Variants in SPON1 observed in about 807,000 individuals in gnomAD.
SPON1 encodes spondin 1, also known as spondin-1.
In SPON1, 52 loss-of-function variants were observed where a neutral mutation model predicts 111.7. That is an observed-to-expected ratio of 0.47 (90% CI 0.37 to 0.59). The LOEUF (loss-of-function observed/expected upper bound fraction) is 0.59, where lower values mean the gene tolerates loss of function less well. Among genes scored for constraint, SPON1 ranks in the 20% least tolerant of loss-of-function variants. The probability of loss-of-function intolerance (pLI) is 0.00; values close to 1 mark genes in which losing one functional copy is unlikely to be tolerated. For missense variants in SPON1, 957 were observed against 1,068.5 expected, an observed-to-expected ratio of 0.90 and a Z score of 1.46; for synonymous variants, 410 against 395.8, an observed-to-expected ratio of 1.04 and a Z score of -0.43.
intron 3 of SPON1, among the ~76,000 whole-genome samples, chr11:14,061,453 TAATC>T (rs1848790562): frequency 6.6e-6 from 1 of 152,240 alleles, no homozygotes; most frequent in Non-Finnish European, 1.5e-5. Flanking sequence ...ATTTTCAGCT[TAATC>T]AAATATTTCA....
chr11:14,244,811 G>A lies in SPON1; in HGVS notation c.890+1415G>A, dbSNP rs556893407. ...TCCTTCTTCATCCCTCTGTGACTTCGCTTAGTCTCAAGATCAAGTCCACAC... is the reference window on the plus strand; with the variant it reads ...TCCTTCTTCATCCCTCTGTGACTTCACTTAGTCTCAAGATCAAGTCCACAC... On this transcript the variant is annotated intron_variant, in intron 7 of 15. Transcript: ENST00000576479. 5.9e-5 allele frequency among the ~76,000 whole-genome samples: 9 copies of A among 152,242 alleles called. No individual in the cohort carries two copies. In the East Asian group the frequency reaches 9.6e-4, roughly 16 times the overall value.
In SPON1 at chr11:14,052,503, C is replaced by T. The variant is rs1249258089; in HGVS notation, c.479+10849C>T. Among the ~76,000 whole-genome samples the T allele has an allele frequency of 2.6e-5, 4 of 152,168 alleles. No homozygotes were observed. The East Asian group carries it at 5.8e-4, about 22-fold the overall frequency. ...TGGTTTTACTTCAGGCAGCCTAGAA[C>T]CTCAGGAACCCTGACCAGGGAGGAA... On this transcript the variant is annotated intron_variant, in intron 3 of 15. Coordinates refer to ENST00000576479, the MANE Select transcript of SPON1 (RefSeq NM_006108.4).
chr11:14,005,841 A>G lies in SPON1; in HGVS notation c.345+22888A>G, dbSNP rs1848355439. Among the ~76,000 whole-genome samples the G allele has an allele frequency of 2.0e-5, 3 of 152,204 alleles. No homozygotes were observed. In the South Asian group the frequency reaches 6.2e-4, roughly 32 times the overall value. ...TAGACTGTTGAAAGTTCAACTCTAG[A>G]GCCTGAGAGACCTGGGTTCAAATCC... On this transcript the variant is annotated intron_variant, in intron 2 of 15. Coordinates refer to ENST00000576479, the MANE Select transcript of SPON1 (RefSeq NM_006108.4).
intron 6 of SPON1, among the ~76,000 whole-genome samples, chr11:14,238,379 T>G (rs1338954245): frequency 6.6e-6 from 1 of 151,942 alleles, no homozygotes; most frequent in African/African-American, 2.4e-5. Flanking sequence ...GAAGACAAAG[T>G]CAAAAAGTTA....
chr11:14,234,615 G>A (rs1848841858), intron 6 of SPON1, among the ~76,000 whole-genome samples: 1 of 152,216 alleles, frequency 6.6e-6, no homozygotes, highest in Non-Finnish European at 1.5e-5. Flanking sequence ...AGGGTGATGT[G>A]AGTCCTCAGA....
intron 6 of SPON1, among the ~76,000 whole-genome samples, chr11:14,241,780 A>G (rs536792859): frequency 1.5e-4 from 23 of 152,358 alleles, no homozygotes; most frequent in Admixed American, 5.2e-4. Context: ...AGGAGGGAAG[A>G]AGGGATACAC....
intron 6 of SPON1, among the ~76,000 whole-genome samples, chr11:14,148,870 A>C (rs544567687): frequency 6.6e-6 from 1 of 152,334 alleles, no homozygotes; most frequent in African/African-American, 2.4e-5. Context: ...GTGGTAAAAA[A>C]AGATGTGTGC....
intron 6 of SPON1, among the ~76,000 whole-genome samples, chr11:14,151,569 A>G (rs1423927588): frequency 6.6e-6 from 1 of 152,208 alleles, no homozygotes; most frequent in African/African-American, 2.4e-5. Flanking sequence ...ACAGAGATGA[A>G]TAAGACCCAG....
intron 6 of SPON1, among the ~76,000 whole-genome samples, chr11:14,198,898 T>A (rs1481154959): frequency 1.3e-5 from 2 of 152,226 alleles, no homozygotes; most frequent in Non-Finnish European, 2.9e-5. Context: ...TTGCATTTTT[T>A]TAAACTGACT....
intron 2 of SPON1, among the ~76,000 whole-genome samples, chr11:14,011,549 T>G (rs987709309): frequency 6.6e-6 from 1 of 152,134 alleles, no homozygotes; most frequent in African/African-American, 2.4e-5. Context: ...AGGTCTCTCC[T>G]CTTTGCTCTC....
chr11:14,002,645 G>A (rs1554912568), intron 2 of SPON1, among the ~76,000 whole-genome samples: 1 of 152,060 alleles, frequency 6.6e-6, no homozygotes. Context: ...TTTGAGATTG[G>A]ATTTGTAACT....
intron 6 of SPON1, among the ~76,000 whole-genome samples, chr11:14,236,020 G>T (rs1467930031): frequency 6.6e-6 from 1 of 152,204 alleles, no homozygotes; most frequent in Non-Finnish European, 1.5e-5. Context: ...TGAGGCTCAG[G>T]AGGACAGGCA....
In SPON1 at chr11:14,244,302, G is replaced by A. The variant is rs535850044; in HGVS notation, c.890+906G>A. 9.2e-5 allele frequency among the ~76,000 whole-genome samples: 14 copies of A among 152,268 alleles called. No individual in the cohort carries two copies. In the South Asian group the frequency reaches 2.5e-3, roughly 27 times the overall value. ...TAGGAAGCCAAGGCGGGCAGATCAC[G>A]AGGTCAGGAGATCGAGACCATGCTG... On this transcript the variant is annotated intron_variant, in intron 7 of 15. Transcript: ENST00000576479.
intron 6 of SPON1, among the ~76,000 whole-genome samples, chr11:14,181,910 A>T (rs80079872): frequency 0.027 from 4,142 of 152,232 alleles, 77 homozygotes; most frequent in Non-Finnish European, 0.046. Flanking sequence ...ATGAAATCAG[A>T]TTTAGATATG....
chr11:14,037,329 G>A (rs1848601904), intron 2 of SPON1, among the ~76,000 whole-genome samples: 1 of 151,930 alleles, frequency 6.6e-6, no homozygotes, highest in Non-Finnish European at 1.5e-5. Context: ...TGTTAGAGTT[G>A]GGAAGAAGGG....
intron 6 of SPON1, among the ~76,000 whole-genome samples, chr11:14,181,331 C>T (rs1208292878): frequency 6.6e-6 from 1 of 152,056 alleles, no homozygotes; most frequent in African/African-American, 2.4e-5. Context: ...CAGCTGGGAG[C>T]CCTTTCTGAC....
intron 6 of SPON1, among the ~76,000 whole-genome samples, chr11:14,235,441 G>A (rs1848852613): frequency 6.6e-6 from 1 of 152,162 alleles, no homozygotes; most frequent in African/African-American, 2.4e-5. Context: ...CACTTTGGGA[G>A]GCTGAGGCAA....
intron 6 of SPON1, among the ~76,000 whole-genome samples, chr11:14,200,814 TAAAAAAAAAAAAA>T (rs572814576): frequency 0.49 from 40,066 of 81,408 alleles, 8,541 homozygotes; most frequent in East Asian, 0.6. Context: ...GACCCTGTCT[TAAAAAAAAAAAAA>T]AAAAAAAAAA....
intron 3 of SPON1, among the ~76,000 whole-genome samples, chr11:14,049,166 T>A (rs1201375585): frequency 6.6e-6 from 1 of 152,226 alleles, no homozygotes; most frequent in African/African-American, 2.4e-5. Flanking sequence ...CTCCCAAGTC[T>A]GTGATCTTCA....
Sources: allele counts gnomAD v4.1 joint callset (sites outside exome capture counted in the v4.1 genomes callset), GRCh38; gene constraint gnomAD v4.1.1; transcripts MANE v1.5; gene names NCBI Gene and HGNC (gene_info 2026-07-23, HGNC 2026-07-21).